Variants in LUZP2 observed in about 807,000 individuals in gnomAD.
The protein encoded by LUZP2 is leucine zipper protein 2.
A neutral mutation model predicts 51.6 loss-of-function variants in LUZP2; 52 were observed. The ratio of observed to expected loss-of-function variants is 1.01; its 90% CI spans 0.81 to 1.27. The LOEUF (loss-of-function observed/expected upper bound fraction) is 1.27, where lower values mean the gene tolerates loss of function less well. LUZP2 is among the 50% of genes most tolerant of loss of function. The pLI, the probability that LUZP2 is intolerant of heterozygous loss-of-function variation, is 0.00. For synonymous variants in LUZP2, 154 were observed against 137.3 expected (o/e 1.12, Z -0.85); for missense variants, 436 against 395.4 (o/e 1.10, Z -0.87).
At chr11:24,982,345 C>T (rs1422729150) in intron 8 of LUZP2, among the ~76,000 whole-genome samples, 1 of 151,772 alleles carries the variant, frequency 6.6e-6, no homozygotes, top group Non-Finnish European at 1.5e-5. Context: ...ATAACAAAGA[C>T]ATAGAATCAA....
chr11:24,582,927 A>G (rs1180035289), intron 1 of LUZP2, among the ~76,000 whole-genome samples: 1 of 152,160 alleles, frequency 6.6e-6, no homozygotes, highest in Non-Finnish European at 1.5e-5. Context: ...AAGTGGATTT[A>G]CATTTGGAAC....
intron 1 of LUZP2, among the ~76,000 whole-genome samples, chr11:24,606,462 T>C (rs1008031204): frequency 2.0e-5 from 3 of 152,032 alleles, no homozygotes; most frequent in African/African-American, 7.2e-5. Flanking sequence ...CCATTGTAAG[T>C]TGAGGAACCT....
chr11:25,043,772 T>C (rs1366348920), intron 9 of LUZP2, among the ~76,000 whole-genome samples: 1 of 148,124 alleles, frequency 6.8e-6, no homozygotes, highest in Non-Finnish European at 1.5e-5. Context: ...ATATATATAA[T>C]ATATATAGTG....
chr11:24,949,288 TTATCTATCTATCTATC>T (rs201078923), intron 7 of LUZP2, among the ~76,000 whole-genome samples: 441 of 141,290 alleles, frequency 3.1e-3, no homozygotes, highest in African/African-American at 9.8e-3. Flanking sequence ...ATTATCTAGA[TTATCTATCTATCTATC>T]TATCTATCTA....
At chr11:24,594,628 T>G (rs1305807394) in intron 1 of LUZP2, among the ~76,000 whole-genome samples, 2 of 152,160 alleles carry the variant, frequency 1.3e-5, no homozygotes, top group African/African-American at 2.4e-5. Context: ...ACAAAATATT[T>G]AGTTGTCAAT....
At chr11:24,652,729 C>T (rs555389984) in intron 1 of LUZP2, among the ~76,000 whole-genome samples, 2 of 152,038 alleles carry the variant, frequency 1.3e-5, no homozygotes, top group Non-Finnish European at 2.9e-5. Flanking sequence ...CAGATGTCAA[C>T]AATACCTTCA....
chr11:24,947,595 A>AATAAATT (rs1267109679), intron 7 of LUZP2, among the ~76,000 whole-genome samples: 3 of 151,888 alleles, frequency 2.0e-5, no homozygotes, highest in Non-Finnish European at 4.4e-5. Context: ...GTTTAGTCTA[A>AATAAATT]ATAAATTATT....
chr11:24,695,041 T>C, intron 1 of LUZP2, among the ~76,000 whole-genome samples: 1 of 152,108 alleles, frequency 6.6e-6, no homozygotes, highest in East Asian at 1.9e-4. Context: ...CATGTATACC[T>C]ATGTAACAAA....
chr11:25,043,725 ATAT>A (rs1329430599), intron 9 of LUZP2, among the ~76,000 whole-genome samples: 2 of 148,544 alleles, frequency 1.3e-5, no homozygotes, highest in Non-Finnish European at 3.0e-5. Flanking sequence ...TACATATATA[ATAT>A]TTATCAGACT....
At chr11:24,778,088 TG>T (rs1265983026) in intron 5 of LUZP2, among the ~76,000 whole-genome samples, 1 of 151,862 alleles carries the variant, frequency 6.6e-6, no homozygotes, top group Non-Finnish European at 1.5e-5. Flanking sequence ...CTCAAAATGG[TG>T]CGAAGATTTT....
intron 7 of LUZP2, among the ~76,000 whole-genome samples, chr11:24,960,305 G>T (rs1178797077): frequency 6.6e-6 from 1 of 152,142 alleles, no homozygotes; most frequent in Non-Finnish European, 1.5e-5. Flanking sequence ...CTATTGAGTG[G>T]AATAGTTTCA....
At chr11:24,555,327 T>C (rs956209243) in intron 1 of LUZP2, among the ~76,000 whole-genome samples, 12 of 152,114 alleles carry the variant, frequency 7.9e-5, no homozygotes, top group African/African-American at 2.7e-4. Flanking sequence ...CATAAAACAC[T>C]TAAAGGGTTA....
chr11:24,892,236 C>T (rs1852878414), intron 5 of LUZP2: 1 of 985,452 alleles, frequency 1.0e-6, no homozygotes, highest in Non-Finnish European at 1.2e-6. Flanking sequence ...CAGATTCAGC[C>T]TATATTTATC....
At chr11:25,026,122 T>A (rs1406933603) in intron 9 of LUZP2, among the ~76,000 whole-genome samples, 1 of 118,814 alleles carries the variant, frequency 8.4e-6, no homozygotes, top group East Asian at 2.8e-4. Flanking sequence ...GTGGGGAACA[T>A]GACACACTGG....
rs117986207 is a variant in LUZP2, at chr11:24,860,063, C to T, written c.397-45928C>T. On this transcript the variant is annotated intron_variant, in intron 5 of 11. Transcript: ENST00000336930. ...CCTAACTCCCCGTGCAGGGGAAGGG[C>T]AGCACCCATCTCTATAGCTCCAGGC... Among the ~76,000 whole-genome samples the T allele has an allele frequency of 7.2e-3, 1,103 of 152,318 alleles. 9 individuals are homozygous for T. The highest frequency in any genetic ancestry group is 0.051 in the Middle Eastern group (15 of 294).
intron 9 of LUZP2, among the ~76,000 whole-genome samples, chr11:25,007,852 T>C (rs1250059823): frequency 6.6e-6 from 1 of 152,156 alleles, no homozygotes; most frequent in Admixed American, 6.6e-5. Flanking sequence ...CTGTGAAATA[T>C]TTAAAAAGTA....
At chr11:25,014,721 G>A (rs1031703878) in intron 9 of LUZP2, among the ~76,000 whole-genome samples, 3 of 152,154 alleles carry the variant, frequency 2.0e-5, no homozygotes, top group Non-Finnish European at 4.4e-5. Context: ...TCTGATGGTA[G>A]TTTCTTTTGC....
chr11:25,045,688 A>AATCAAATATTAAAATTTGATTTT (rs1858283780), intron 9 of LUZP2, among the ~76,000 whole-genome samples: 1 of 152,174 alleles, frequency 6.6e-6, no homozygotes, highest in African/African-American at 2.4e-5. Flanking sequence ...ATCTATGCTA[A>AATCAAATATTAAAATTTGATTTT]AATCAAATTT....
chr11:24,527,567 T>TCACACACACA lies in LUZP2; in HGVS notation c.62+30285_62+30294dup, dbSNP rs1554948856. Among the ~76,000 whole-genome samples the TCACACACACA allele has an allele frequency of 7.1e-4, 93 of 131,638 alleles. 1 individual carries two copies. The East Asian group carries it at 7.3e-3, about 10-fold the overall frequency. The allele number at this position is 131,638 out of a possible 152,430, so 86.4% of individuals were successfully genotyped here. On this transcript the variant is annotated intron_variant, in intron 1 of 11. Transcript: ENST00000336930. The stretch of plus-strand genomic sequence containing the variant: ...AAATAAGAATCTCTCTCTCTCTCTC[T>TCACACACACA]CACACACACACACACACACACACAC...
Sources: allele counts gnomAD v4.1 joint callset (sites outside exome capture counted in the v4.1 genomes callset), GRCh38; gene constraint gnomAD v4.1.1; transcripts MANE v1.5; gene names NCBI Gene and HGNC (gene_info 2026-07-23, HGNC 2026-07-21).